The following PRORP variants were observed in gnomAD, a reference collection of about 807,000 sequenced individuals.
PRORP encodes the protein protein only RNase P catalytic subunit, also known as mitochondrial ribonuclease P catalytic subunit.
PRORP carries 51 observed loss-of-function variants against 59.4 expected under a neutral mutation model. The observed-to-expected ratio is 0.86, with a 90% CI of 0.69 to 1.08. The LOEUF (loss-of-function observed/expected upper bound fraction) is 1.08. PRORP is among the 50% of genes least tolerant of loss of function. The pLI is 0.00. For missense variants in PRORP, 646 were observed against 690.3 expected (o/e 0.94, Z 0.72); for synonymous variants, 231 against 245.6 (o/e 0.94, Z 0.55).
At chr14:35,155,259 A>G (rs1566462358) in intron 4 of PRORP, among the ~76,000 whole-genome samples, 1 of 152,174 alleles carries the variant, frequency 6.6e-6, no homozygotes, top group African/African-American at 2.4e-5. Context: ...TGTCTGAGAT[A>G]TGCTTCAAAA....
rs1430232101 is a variant in PRORP at position 35,277,556 on chromosome 14, A to T, written c.*3990A>T. On this transcript the variant is annotated 3_prime_UTR_variant, in exon 8 of 8. Transcript: ENST00000534898. ...CAGAGGGGAAGCCATAGAAATTAAC[A>T]GGATGAAAATACAAGAGACAGGAAC... 6.6e-6 allele frequency: 1 copy of T among 152,234 alleles called. No homozygotes were observed. The highest frequency in any genetic ancestry group is 2.4e-5 in the African/African-American group (1 of 41,466). 9.4% of individuals were successfully genotyped at this position (152,234 alleles called of 1,614,324 possible).
At chr14:35,230,047 A>G (rs1428268361) in intron 5 of PRORP, among the ~76,000 whole-genome samples, 5 of 131,622 alleles carry the variant, frequency 3.8e-5, no homozygotes, top group African/African-American at 1.5e-4. Context: ...ATTACTGTAA[A>G]TTCTTTTTTT....
rs560923647 is a variant in PRORP, at chr14:35,155,500, T to C, written c.1168-25170T>C. 4.0e-5 allele frequency among the ~76,000 whole-genome samples: 6 copies of C among 149,718 alleles called. No homozygotes were observed. The East Asian group carries it at 1.2e-3, about 29-fold the overall frequency. ...ACTTCGGGAAGCTGAGGTGGGAGGA[T>C]TGCTTGAGCCCAGGAGTTTAAGACA... On this transcript the variant is annotated intron_variant, in intron 4 of 7. Transcript: ENST00000534898.
intron 4 of PRORP, among the ~76,000 whole-genome samples, chr14:35,131,886 C>T (rs1421238830): frequency 6.6e-6 from 1 of 151,690 alleles, no homozygotes; most frequent in Non-Finnish European, 1.5e-5. Context: ...GTCCCCTAGG[C>T]TGGAGTGCAG....
At chr14:35,273,307 CATT>C in intron 7 of PRORP, 125 bp from the exon 8 acceptor site, 1 of 868,226 alleles carries the variant, frequency 1.2e-6, no homozygotes, top group Non-Finnish European at 1.6e-6. Flanking sequence ...TTTGAAAATC[CATT>C]ATTAAGTGAG....
intron 4 of PRORP, among the ~76,000 whole-genome samples, chr14:35,138,677 T>A (rs1368344758): frequency 6.9e-6 from 1 of 145,888 alleles, no homozygotes; most frequent in Admixed American, 7.2e-5. Flanking sequence ...GTACTGTTGT[T>A]CAAAACAAAG....
At chr14:35,152,598 G>C (rs745809458) in intron 4 of PRORP, among the ~76,000 whole-genome samples, 4 of 151,594 alleles carry the variant, frequency 2.6e-5, no homozygotes, top group Non-Finnish European at 5.9e-5. Context: ...CTGGCCGGGC[G>C]GGGGCTGACC....
chr14:35,237,112 C>A (rs1365894883), intron 5 of PRORP, among the ~76,000 whole-genome samples: 1 of 146,920 alleles, frequency 6.8e-6, no homozygotes, highest in Non-Finnish European at 1.5e-5. Flanking sequence ...TTCTCTCTCT[C>A]GACAGAGTCT....
chr14:35,226,127 A>G (rs963415489), intron 5 of PRORP, among the ~76,000 whole-genome samples: 1 of 152,184 alleles, frequency 6.6e-6, no homozygotes, highest in Admixed American at 6.5e-5. Context: ...TGTTGTTAAT[A>G]TTTGTGCCAT....
intron 5 of PRORP, among the ~76,000 whole-genome samples, chr14:35,241,788 TTC>T (rs1229629166): frequency 6.6e-6 from 1 of 152,192 alleles, no homozygotes; most frequent in African/African-American, 2.4e-5. Context: ...ATTCTTGTTA[TTC>T]TCTCAACATA....
At chr14:35,148,302 T>TTTA (rs2047659848) in intron 4 of PRORP, among the ~76,000 whole-genome samples, 1 of 152,234 alleles carries the variant, frequency 6.6e-6, no homozygotes, top group African/African-American at 2.4e-5. Context: ...TCCATGGGCT[T>TTTA]TAGAATGGAT....
intron 5 of PRORP, among the ~76,000 whole-genome samples, chr14:35,246,035 T>G (rs890088915): frequency 6.6e-6 from 1 of 152,152 alleles, no homozygotes; most frequent in African/African-American, 2.4e-5. Context: ...AAGGCAGTGT[T>G]TTATGCTCCC....
chr14:35,273,194 A>G (rs567273227), intron 7 of PRORP, among the ~76,000 whole-genome samples: 1 of 152,352 alleles, frequency 6.6e-6, no homozygotes, highest in South Asian at 2.1e-4. Context: ...TCTGTATTAC[A>G]TAAATGTAAT....
In PRORP at chr14:35,123,320, GCACTCT is replaced by G; in HGVS notation, c.76_81del (p.His26_Ser27del). ...GCCCATACCTTGGGCTAGGCCCAGG[GCACTCT>G]TATGTCTCGCTGTTTCTGGCAGACC... On this transcript the variant is annotated inframe_deletion, in exon 2 of 8. Transcript: ENST00000534898. The G allele has an allele frequency of 6.2e-7, 1 of 1,613,878 alleles. No homozygotes were observed.
intron 6 of PRORP, among the ~76,000 whole-genome samples, chr14:35,267,568 G>A (rs1415376720): frequency 6.6e-6 from 1 of 152,020 alleles, no homozygotes; most frequent in African/African-American, 2.4e-5. Context: ...CAGATCACGA[G>A]GTCAGGAGAT....
chr14:35,240,331 G>A (rs1319762510), intron 5 of PRORP, among the ~76,000 whole-genome samples: 1 of 115,608 alleles, frequency 8.6e-6, no homozygotes, highest in Admixed American at 1.0e-4. Flanking sequence ...AATTTACCCG[G>A]GTGGGTTTTC....
At position 35,274,532 on chromosome 14, in the gene PRORP, C is replaced by A. The variant is rs951761677; in HGVS notation, c.*966C>A. The stretch of plus-strand genomic sequence containing the variant: ...GCATGGTAGTTTGCACACATAGTCC[C>A]AGCTACTTTGGGGGCTGAGGTAGGA... On this transcript the variant is annotated 3_prime_UTR_variant, in exon 8 of 8. Coordinates refer to ENST00000534898, the MANE Select transcript of PRORP (RefSeq NM_014672.4). 1 of 152,080 alleles carries A rather than the reference C, an allele frequency of 6.6e-6. No individual in the cohort carries two copies. The highest frequency in any genetic ancestry group is 2.4e-5 in the African/African-American group (1 of 41,392). 9.4% of individuals were successfully genotyped at this position (152,080 alleles called of 1,614,324 possible). A position where few individuals can be genotyped will look rare whatever the true frequency, so the allele number is the denominator to read the frequency against.
chr14:35,180,513 A>G (rs1176361732), intron 4 of PRORP, among the ~76,000 whole-genome samples, 157 bp from the exon 5 acceptor site: 1 of 133,002 alleles, frequency 7.5e-6, no homozygotes, highest in Non-Finnish European at 1.7e-5. Flanking sequence ...TTCAGATTTC[A>G]TTTGTAGAGT....
rs1469626193 is a variant in PRORP, at chr14:35,272,267, A to T, written c.1621-1168A>T. On this transcript the variant is annotated intron_variant, in intron 7 of 7. Coordinates refer to ENST00000534898, the MANE Select transcript of PRORP (RefSeq NM_014672.4). ...TATTCTACAATGTATGCATATTTCA[A>T]AAACATGCTATACATGATAAATATG... Among the ~76,000 whole-genome samples the T allele has an allele frequency of 2.6e-5, 4 of 152,368 alleles. No homozygotes were observed. In the East Asian group the frequency reaches 7.7e-4, roughly 29 times the overall value.
Sources: allele counts gnomAD v4.1 joint callset (sites outside exome capture counted in the v4.1 genomes callset), GRCh38; gene constraint gnomAD v4.1.1; transcripts MANE v1.5; gene names NCBI Gene and HGNC (gene_info 2026-07-23, HGNC 2026-07-21).